The following PDE4B variants were observed in gnomAD, a reference collection of about 807,000 sequenced individuals.
PDE4B encodes the protein phosphodiesterase 4B, also known as 3',5'-cyclic-AMP phosphodiesterase 4B.
PDE4B carries 20 observed loss-of-function variants against 82.2 expected under a neutral mutation model. That is an observed-to-expected ratio of 0.24 (90% CI 0.17 to 0.35). PDE4B has a LOEUF of 0.35. PDE4B is among the 10% of genes least tolerant of loss of function. The pLI is 1.00. For missense variants in PDE4B, 655 were observed against 907.2 expected, an observed-to-expected ratio of 0.72 and a Z score of 3.57; for synonymous variants, 320 against 318.9, an observed-to-expected ratio of 1.00 and a Z score of -0.04.
chr1:66,229,435 A>C (rs1006121557), intron 3 of PDE4B, among the ~76,000 whole-genome samples: 11 of 152,308 alleles, frequency 7.2e-5, no homozygotes, highest in African/African-American at 2.6e-4. Flanking sequence ...TTTGCCATCC[A>C]CAATTTTGTT....
At chr1:65,871,734 A>C (rs937992735) in intron 1 of PDE4B, among the ~76,000 whole-genome samples, 3 of 152,136 alleles carry the variant, frequency 2.0e-5, no homozygotes, top group African/African-American at 7.2e-5. Flanking sequence ...TGCCTCTTTC[A>C]TTGTGTCTGT....
intron 3 of PDE4B, among the ~76,000 whole-genome samples, chr1:66,144,315 A>G (rs546388572): frequency 6.6e-6 from 1 of 152,356 alleles, no homozygotes; most frequent in South Asian, 2.1e-4. Flanking sequence ...TGCCAGGGAT[A>G]CAAAAAGGTA....
At chr1:66,128,881 T>A (rs760556948) in intron 3 of PDE4B, among the ~76,000 whole-genome samples, 11 of 152,156 alleles carry the variant, frequency 7.2e-5, no homozygotes, top group Non-Finnish European at 1.3e-4. Flanking sequence ...TTCACTACCA[T>A]GAGAACAGTA....
chr1:65,996,637 C>A (rs2100693344), intron 3 of PDE4B, among the ~76,000 whole-genome samples: 1 of 152,264 alleles, frequency 6.6e-6, no homozygotes, highest in Non-Finnish European at 1.5e-5. Flanking sequence ...ATATTACCTG[C>A]TGCAGATATC....
intron 3 of PDE4B, among the ~76,000 whole-genome samples, chr1:66,065,655 T>G (rs547903262): frequency 2.0e-5 from 3 of 151,968 alleles, no homozygotes; most frequent in Admixed American, 6.6e-5. Flanking sequence ...TTGGTGATCA[T>G]TTAGTCATCT....
At chr1:66,319,068 A>G (rs1659214117) in intron 7 of PDE4B, among the ~76,000 whole-genome samples, 1 of 152,252 alleles carries the variant, frequency 6.6e-6, no homozygotes, top group Admixed American at 6.5e-5. Flanking sequence ...TGTATATAAC[A>G]GGTTTTCTGC....
intron 3 of PDE4B, among the ~76,000 whole-genome samples, chr1:65,954,934 A>C (rs1259313119): frequency 6.6e-6 from 1 of 152,072 alleles, no homozygotes; most frequent in Non-Finnish European, 1.5e-5. Flanking sequence ...TTTTAAAATG[A>C]AGTAGCCAAA....
At chr1:65,860,910 T>TA (rs551384006) in intron 1 of PDE4B, among the ~76,000 whole-genome samples, 1 of 152,348 alleles carries the variant, frequency 6.6e-6, no homozygotes, top group South Asian at 2.1e-4. Flanking sequence ...TTTTTTCTTG[T>TA]AAATTTGTTT....
chr1:65,937,840 C>G (rs1231099116), intron 3 of PDE4B, among the ~76,000 whole-genome samples: 6 of 152,122 alleles, frequency 3.9e-5, no homozygotes, highest in Non-Finnish European at 8.8e-5. Flanking sequence ...AGGATAGATT[C>G]TGGCCTATAT....
chr1:66,132,271 C>T (rs1372382603), intron 3 of PDE4B, among the ~76,000 whole-genome samples: 1 of 152,174 alleles, frequency 6.6e-6, no homozygotes, highest in Non-Finnish European at 1.5e-5. Context: ...TACAGTATAG[C>T]TGGGAGAACA....
intron 7 of PDE4B, among the ~76,000 whole-genome samples, chr1:66,326,011 C>G (rs1026408202): frequency 2.0e-5 from 3 of 152,176 alleles, no homozygotes; most frequent in East Asian, 1.9e-4. Flanking sequence ...GGGGCAGACT[C>G]TACTGTGTTC....
At chr1:66,306,276 G>A (rs542274980) in intron 7 of PDE4B, among the ~76,000 whole-genome samples, 4 of 152,126 alleles carry the variant, frequency 2.6e-5, no homozygotes, top group South Asian at 2.1e-4. Context: ...ACTTGTGGAC[G>A]TCTAAATATT....
intron 3 of PDE4B, among the ~76,000 whole-genome samples, chr1:66,081,828 C>G (rs61796645): frequency 0.52 from 57,655 of 111,468 alleles, 11,728 homozygotes; most frequent in Non-Finnish European, 0.58. Flanking sequence ...CTCTCTCTCT[C>G]TCTCTGTGTG....
intron 7 of PDE4B, among the ~76,000 whole-genome samples, chr1:66,294,242 G>A (rs1657331585): frequency 6.6e-6 from 1 of 152,010 alleles, no homozygotes. Flanking sequence ...GATTTTATTT[G>A]GGCTTCTCTC....
intron 3 of PDE4B, among the ~76,000 whole-genome samples, chr1:66,104,145 G>A (rs976754655): frequency 1.1e-4 from 15 of 141,034 alleles, no homozygotes; most frequent in African/African-American, 1.9e-4. Flanking sequence ...GTGTCCATGC[G>A]TTCTCGTTGT....
chr1:66,081,782 A>T (rs11208796), intron 3 of PDE4B, among the ~76,000 whole-genome samples: 34,988 of 151,356 alleles, frequency 0.23, 4,715 homozygotes, highest in Middle Eastern at 0.37. Flanking sequence ...ACTATAAAAC[A>T]TTCTACACGG....
Position 65,992,679 on chromosome 1 carries a change from G to A in PDE4B, c.281+73844G>A, listed in dbSNP as rs114408173. 9.3e-4 allele frequency: 1,168 copies of A among 1,256,682 alleles called. 11 individuals are homozygous for A. In the African/African-American group the frequency reaches 0.017, roughly 18 times the overall value. 77.8% of individuals were successfully genotyped at this position (1,256,682 alleles called of 1,614,324 possible). A position where few individuals can be genotyped will look rare whatever the true frequency, so the allele number is the denominator to read the frequency against. ...CTACTGACATTGGAAGCACTTTGGC[G>A]CATTTTCAGAGGCAAAGCCAGCCTG... On this transcript the variant is annotated intron_variant, in intron 3 of 16. Coordinates refer to ENST00000341517, the MANE Select transcript of PDE4B (RefSeq NM_002600.4).
intron 3 of PDE4B, among the ~76,000 whole-genome samples, chr1:66,156,230 A>T (rs1409332691): frequency 6.6e-6 from 1 of 152,192 alleles, no homozygotes; most frequent in Non-Finnish European, 1.5e-5. Flanking sequence ...GGGTGAGTTC[A>T]TTGGTACATG....
At chr1:65,877,375 G>T (rs1195280567) in intron 1 of PDE4B, among the ~76,000 whole-genome samples, 1 of 152,150 alleles carries the variant, frequency 6.6e-6, no homozygotes, top group African/African-American at 2.4e-5. Context: ...CAGCACTTTG[G>T]GAGGCTGAGA....
Sources: allele counts gnomAD v4.1 joint callset (sites outside exome capture counted in the v4.1 genomes callset), GRCh38; gene constraint gnomAD v4.1.1; transcripts MANE v1.5; gene names NCBI Gene and HGNC (gene_info 2026-07-23, HGNC 2026-07-21).